Variants in SPTBN2 observed in about 807,000 individuals in gnomAD.
The protein encoded by SPTBN2 is spectrin beta chain, non-erythrocytic 2.
In SPTBN2, 107 loss-of-function variants were observed where a neutral mutation model predicts 284.2. The ratio of observed to expected loss-of-function variants is 0.38; its 90% CI spans 0.32 to 0.44. SPTBN2 has a LOEUF of 0.44. Among genes scored for constraint, SPTBN2 ranks in the 20% least tolerant of loss-of-function variants. The pLI, the probability that SPTBN2 is intolerant of heterozygous loss-of-function variation, is 1.00. For synonymous variants in SPTBN2, 1,289 were observed against 1,354.8 expected (o/e 0.95, Z 1.07); for missense variants, 2,569 against 3,287.1 (o/e 0.78, Z 5.34).
Position 66,715,229 on chromosome 11 carries a change from C to A in SPTBN2, c.476G>T (p.Arg159Leu). Reference protein sequence around the residue: ...TLGLVWTIILRFQIQDISVET... With the variant: ...TLGLVWTIILLFQIQDISVET... ...GACAGTGTGCTGGGGTACCTGGAAT[C>A]GAAGGATGATGGTCCAGACCAGCCC... Residue 159 changes from arginine (R) to leucine (L), a missense_variant, in exon 5 of 38, where the codon CGA (arginine) becomes CTA (leucine). This residue lies in a region of SPTBN2 where 304 missense variants were observed against 522.1 expected (regional missense o/e 0.58). Coordinates refer to ENST00000533211, the MANE Select transcript of SPTBN2 (RefSeq NM_006946.4). The surrounding 1 kb of genome is among the most constrained non-coding windows in gnomAD (Gnocchi z 5.3). 1 of 1,614,166 alleles carries A rather than the reference C, an allele frequency of 6.2e-7. No individual in the cohort carries two copies. Among genetic ancestry groups the A allele is most frequent in the Non-Finnish European group, 8.5e-7 (1 of 1,180,044 alleles).
chr11:66,686,545 C>T, intron 36 of SPTBN2, 105 bp from the exon 37 acceptor site: 1 of 1,283,732 alleles, frequency 7.8e-7, no homozygotes, highest in African/African-American at 1.5e-5. Context: ...GGACATCTGG[C>T]TGCAGCCCTC....
chr11:66,721,773 C>A (rs752111174), intron 1 of SPTBN2, among the ~76,000 whole-genome samples: 1 of 152,166 alleles, frequency 6.6e-6, no homozygotes, highest in Non-Finnish European at 1.5e-5. Flanking sequence ...TTGTTGGGCG[C>A]GGTGGCTCAC....
chr11:66,706,118 C>T (rs1249241304), intron 13 of SPTBN2, among the ~76,000 whole-genome samples: 1 of 152,162 alleles, frequency 6.6e-6, no homozygotes, highest in African/African-American at 2.4e-5. Flanking sequence ...CCTGCCGCCA[C>T]CGCTCCGCCC....
At chr11:66,699,342 G>A in intron 18 of SPTBN2, 64 bp downstream of exon 18, 3 of 1,588,050 alleles carry the variant, frequency 1.9e-6, no homozygotes, top group African/African-American at 1.3e-5. Context: ...GTTTATCTTT[G>A]AGGTCACCCT....
At chr11:66,739,718 C>T (rs1942880964) in intron 1 of SPTBN2, among the ~76,000 whole-genome samples, 1 of 152,182 alleles carries the variant, frequency 6.6e-6, no homozygotes, top group South Asian at 2.1e-4. Context: ...TCCAGCCCTA[C>T]TTAGAGATAA....
At chr11:66,709,708 C>T (rs1343786515) in intron 10 of SPTBN2, among the ~76,000 whole-genome samples, 1 of 152,152 alleles carries the variant, frequency 6.6e-6, no homozygotes, top group African/African-American at 2.4e-5. Flanking sequence ...TGTATAGAAA[C>T]AATTGTTTTC....
intron 3 of SPTBN2, among the ~76,000 whole-genome samples, chr11:66,716,232 C>A (rs1942140970): frequency 6.6e-6 from 1 of 152,116 alleles, no homozygotes; most frequent in Admixed American, 6.5e-5. Context: ...GCCTGTAATC[C>A]CAGCACTTTG....
At position 66,696,330 on chromosome 11, in the gene SPTBN2, C is replaced by A; in HGVS notation, c.4225G>T (p.Asp1409Tyr). The change falls in exon 21 of 38, where the codon GAT becomes TAT. Residue 1409 changes from aspartate to tyrosine, a missense_variant. Asp to Tyr is a radical substitution (Grantham distance 160). Transcript: ENST00000533211. Reference protein sequence around the residue: ...LESLQAQLHSDDYGKDLTSVN... With the variant: ...LESLQAQLHSYDYGKDLTSVN... ...CTGGTGAGGTCCTTGCCGTAGTCAT[C>A]CGAGTGCAGCTGGGCCTGCAGGCTC... 1 of 1,613,300 alleles carries A rather than the reference C, an allele frequency of 6.2e-7. No individual in the cohort carries two copies. The highest frequency in any genetic ancestry group is 8.5e-7 in the Non-Finnish European group (1 of 1,180,026).
chr11:66,696,132 T>G, intron 21 of SPTBN2, 145 bp downstream of exon 21: 2 of 1,069,492 alleles, frequency 1.9e-6, no homozygotes, highest in South Asian at 2.7e-5. Flanking sequence ...CCCTAGAGAT[T>G]CTGATACTGG....
Position 66,687,656 on chromosome 11 carries a change from G to C in SPTBN2, c.6502-9C>G, listed in dbSNP as rs545190212. The C allele has an allele frequency of 6.3e-7, 1 of 1,586,776 alleles. No homozygotes were observed. On this transcript the variant is annotated splice_polypyrimidine_tract_variant and intron_variant, in intron 34 of 37. Transcript: ENST00000533211. This position sits in a 1 kb window ranked among gnomAD's most constrained non-coding sequence, Gnocchi z 5.2. ...TCCCCTGAGCCAGGTCCCTGGGGGG[G>C]AATCAGTGTCAGTGTCAAAGGTTGA... is the stretch of plus-strand genomic sequence containing the variant.
In SPTBN2 at chr11:66,686,050, A is replaced by G; in HGVS notation, c.6994T>C (p.Ser2332Pro). 1 of 1,613,814 alleles carries G rather than the reference A, an allele frequency of 6.2e-7. No homozygotes were observed. Among genetic ancestry groups the G allele is most frequent in the Non-Finnish European group, 8.5e-7 (1 of 1,179,996 alleles). The change falls in exon 38 of 38, where the codon TCT becomes CCT. Residue 2332 changes from serine to proline, a missense_variant. By Grantham distance (74) the Ser-to-Pro change is moderately conservative. Transcript: ENST00000533211. ...GGCTCTTCAGGCTCTCCAGAGGCAGAAGACGCTGTGGCAATGGCTGCATTC... is the reference window on the plus strand; with the variant it reads ...GGCTCTTCAGGCTCTCCAGAGGCAGGAGACGCTGTGGCAATGGCTGCATTC... The part of the protein sequence containing the change: ...VVNAAIATAS[S>P]ASGEPEEPVV...
In SPTBN2 at chr11:66,688,674, A is replaced by G. The variant is rs1433314811; in HGVS notation, c.6210T>C (p.Cys2070=). The G allele has an allele frequency of 6.2e-7, 1 of 1,613,946 alleles. No homozygotes were observed. Among genetic ancestry groups the G allele is most frequent in the Non-Finnish European group, 8.5e-7 (1 of 1,180,010 alleles). Residue 2070 remains cysteine (C), a synonymous_variant, in exon 31 of 38, where the codon TGT becomes TGC. Coordinates refer to ENST00000533211, the MANE Select transcript of SPTBN2 (RefSeq NM_006946.4). ...KSAVAWEERF[C]ALEKLTALEE... is the part of the protein sequence containing the mutation. The stretch of plus-strand genomic sequence containing the variant: ...TCACCGCAGTAAGCTTCTCCAGCGC[A>G]CAGAATCGCTCCTCCCAGGCCACTG...
upstream of SPTBN2, among the ~76,000 whole-genome samples, chr11:66,733,213 A>G (rs1037333133): frequency 2.0e-5 from 3 of 152,168 alleles, no homozygotes; most frequent in Non-Finnish European, 4.4e-5. Flanking sequence ...TTGTATTTTA[A>G]AAAGGTCACT....
chr11:66,697,052 G>A (rs1940957538), intron 20 of SPTBN2, among the ~76,000 whole-genome samples: 1 of 152,132 alleles, frequency 6.6e-6, no homozygotes, highest in African/African-American at 2.4e-5. Flanking sequence ...AAGCCCAGAA[G>A]CAGCCCTCAA....
At chr11:66,698,962 G>C in intron 19 of SPTBN2, 30 bp downstream of exon 19, 1 of 1,612,456 alleles carries the variant, frequency 6.2e-7, no homozygotes, top group Non-Finnish European at 8.5e-7. Flanking sequence ...GGATGGCTAG[G>C]GAATATCCCG....
At position 66,693,325 on chromosome 11, in the gene SPTBN2, C is replaced by T. The variant is rs376440439; in HGVS notation, c.4715G>A (p.Arg1572His). ...ELAELQEMWK[R>H]LGHELELRGK... ...TCGAAGTTCCAGCTCGTGGCCCAGG[C>T]GTTTCCACATTTCCTGCAGCTCAGC... The change falls in exon 24 of 38, where the codon CGC (arginine) becomes CAC (histidine). Residue 1572 changes from arginine (R) to histidine (H), a missense_variant. By Grantham distance (29) the Arg-to-His change is conservative. Around this residue, in one of 6 missense-constraint regions of SPTBN2, gnomAD observed 1,130 missense variants for 1,317.3 expected, o/e 0.86. Transcript: ENST00000533211. The surrounding 1 kb of genome is among the most constrained non-coding windows in gnomAD (Gnocchi z 5.7). 1.1e-5 allele frequency: 17 copies of T among 1,611,410 alleles called. No individual in the cohort carries two copies. Among genetic ancestry groups the T allele is most frequent in the African/African-American group, 2.7e-5 (2 of 74,948 alleles).
At position 66,690,045 on chromosome 11, in the gene SPTBN2, C is replaced by T. The variant is rs145750214; in HGVS notation, c.5804G>A (p.Arg1935His). ...EVNLQMDAQE[R>H]PRDVSSADLV... ...TGAGCCCTGGGATTCTCACCGGGGA[C>T]GCTCCTGGGCATCCATCTGCAGGTT... Residue 1935 changes from arginine (R) to histidine (H), a missense_variant, in exon 28 of 38, where the codon CGT becomes CAT. Physicochemically the swap from Arg to His is conservative, Grantham distance 29 (BLOSUM62 0). This residue lies in a region of SPTBN2 where 1,130 missense variants were observed against 1,317.3 expected (regional missense o/e 0.86). Coordinates refer to ENST00000533211, the MANE Select transcript of SPTBN2 (RefSeq NM_006946.4). 60 of 1,614,130 alleles carry T rather than the reference C, an allele frequency of 3.7e-5. No individual in the cohort carries two copies. The highest frequency in any genetic ancestry group is 1.1e-4 in the East Asian group (5 of 44,900).
At chr11:66,713,583 C>G in intron 8 of SPTBN2, 48 bp downstream of exon 8, 1 of 1,510,798 alleles carries the variant, frequency 6.6e-7, no homozygotes, top group African/African-American at 1.4e-5. Flanking sequence ...ACTGGTCCAC[C>G]TCCTGTCTCT....
At chr11:66,722,569 C>A (rs568331548) in intron 1 of SPTBN2, among the ~76,000 whole-genome samples, 1 of 99,372 alleles carries the variant, frequency 1.0e-5, no homozygotes, top group African/African-American at 4.0e-5. Flanking sequence ...GAATGAGACT[C>A]TGTCTCAAAA....
Sources: allele counts gnomAD v4.1 joint callset (sites outside exome capture counted in the v4.1 genomes callset), GRCh38; gene constraint gnomAD v4.1.1; regional missense constraint gnomAD v4.1.1; non-coding constraint Gnocchi (gnomAD v3.1); transcripts MANE v1.5; gene names NCBI Gene and HGNC (gene_info 2026-07-23, HGNC 2026-07-21).